The following ZSWIM6 variants were observed in gnomAD, a reference collection of about 807,000 sequenced individuals.
ZSWIM6 encodes the protein zinc finger SWIM-type containing 6.
A neutral mutation model predicts 113.2 loss-of-function variants in ZSWIM6; 9 were observed. The ratio of observed to expected loss-of-function variants is 0.08; its 90% CI spans 0.05 to 0.14. ZSWIM6 has a LOEUF of 0.14. Ranked by LOEUF, ZSWIM6 falls within the 10% of genes least tolerant of loss-of-function variation. ZSWIM6 has a pLI of 1.00. For missense variants in ZSWIM6, 1,162 were observed against 1,552.2 expected (o/e 0.75, Z 4.22); for synonymous variants, 611 against 606.5 (o/e 1.01, Z -0.11).
In ZSWIM6 at chr5:61,350,619, A is replaced by G. The variant is rs140003789; in HGVS notation, c.676+17671A>G. On this transcript the variant is annotated intron_variant, in intron 1 of 13. Coordinates refer to ENST00000252744, the MANE Select transcript of ZSWIM6 (RefSeq NM_020928.2). The stretch of plus-strand genomic sequence containing the variant: ...TATTTGAAGTTGTATTGTTTTAGCA[A>G]TCTTAGATTGTTGTTCACAGGTACT... 3.0e-4 allele frequency among the ~76,000 whole-genome samples: 45 copies of G among 152,256 alleles called. No homozygotes were observed. The East Asian group carries it at 8.1e-3, about 27-fold the overall frequency.
intron 1 of ZSWIM6, among the ~76,000 whole-genome samples, chr5:61,352,540 A>G (rs1183262752): frequency 6.6e-6 from 1 of 152,216 alleles, no homozygotes; most frequent in Admixed American, 6.5e-5. Context: ...CTTCACACCC[A>G]TCACACAAAG....
intron 9 of ZSWIM6, among the ~76,000 whole-genome samples, chr5:61,534,091 A>G (rs1255178474): frequency 6.6e-6 from 1 of 152,188 alleles, no homozygotes; most frequent in African/African-American, 2.4e-5. Flanking sequence ...GGGGCTTCCA[A>G]ATGTGAATTT....
chr5:61,443,054 T>G (rs1253079800), intron 1 of ZSWIM6, among the ~76,000 whole-genome samples: 1 of 152,196 alleles, frequency 6.6e-6, no homozygotes, highest in Non-Finnish European at 1.5e-5. Flanking sequence ...TTTCACTTAG[T>G]GTCCTGTAAG....
rs182319905 is a variant in ZSWIM6, at chr5:61,514,831, G to A, written c.1334-6432G>A. 2.3e-4 allele frequency among the ~76,000 whole-genome samples: 35 copies of A among 152,142 alleles called. 1 individual carries two copies. The East Asian group carries it at 6.6e-3, about 29-fold the overall frequency. ...ATGAGGGATATTGATCTGCAGTTGA[G>A]CCTACTTGTAATGTTTTCATCTGGT... On this transcript the variant is annotated intron_variant, in intron 4 of 13. Coordinates refer to ENST00000252744, the MANE Select transcript of ZSWIM6 (RefSeq NM_020928.2).
chr5:61,375,078 C>A, intron 1 of ZSWIM6: 2 of 1,588,676 alleles, frequency 1.3e-6, no homozygotes, highest in Non-Finnish European at 1.7e-6. Context: ...GCCCGGTTTC[C>A]CTCGGTGTGC....
chr5:61,393,062 C>G (rs1341974465), intron 1 of ZSWIM6, among the ~76,000 whole-genome samples: 2 of 151,112 alleles, frequency 1.3e-5, no homozygotes, highest in Non-Finnish European at 2.9e-5. Flanking sequence ...TTTTTTGAGA[C>G]AGAGTCTCGC....
rs905739551 is a variant in ZSWIM6 at position 61,541,766 on chromosome 5, T to C, written c.2704-118T>C. ...TAGAGCTTTGCTCTAAATTATGCTT[T>C]CATCTTCCTGGTGGTAGACAGTAGG... On this transcript the variant is annotated intron_variant, in intron 12 of 13. Coordinates refer to ENST00000252744, the MANE Select transcript of ZSWIM6 (RefSeq NM_020928.2). The C allele has an allele frequency of 1.1e-5, 9 of 807,316 alleles. No individual in the cohort carries two copies. The African/African-American group carries it at 1.6e-4, about 14-fold the overall frequency. The allele number at this position is 807,316 out of a possible 1,614,324, so 50.0% of individuals were successfully genotyped here.
intron 4 of ZSWIM6, 24 bp downstream of exon 4, chr5:61,494,434 A>T (rs1223862673): frequency 6.5e-7 from 1 of 1,550,204 alleles, no homozygotes; most frequent in Admixed American, 2.0e-5. Context: ...CTCACAAATT[A>T]CCATTGATTT....
intron 1 of ZSWIM6, among the ~76,000 whole-genome samples, chr5:61,334,640 G>T (rs897955541): frequency 6.6e-6 from 1 of 152,046 alleles, no homozygotes; most frequent in African/African-American, 2.4e-5. Flanking sequence ...ATTTCCAAAG[G>T]CAGCCCCCAG....
chr5:61,363,592 G>T lies in ZSWIM6; in HGVS notation c.676+30644G>T, dbSNP rs530932438. Among the ~76,000 whole-genome samples, 7 of 152,140 alleles carry T rather than the reference G, an allele frequency of 4.6e-5. No individual in the cohort carries two copies. The South Asian group carries it at 1.2e-3, about 27-fold the overall frequency. ...ATCATATTACGGAAACTTATTATTG[G>T]CACAGTGCCTTAATGATTAGTTGGC... is the stretch of plus-strand genomic sequence containing the variant. On this transcript the variant is annotated intron_variant, in intron 1 of 13. Coordinates refer to ENST00000252744, the MANE Select transcript of ZSWIM6 (RefSeq NM_020928.2).
intron 1 of ZSWIM6, among the ~76,000 whole-genome samples, chr5:61,334,297 G>A (rs915757231): frequency 6.6e-6 from 1 of 152,128 alleles, no homozygotes; most frequent in African/African-American, 2.4e-5. Context: ...AGACTGAAAA[G>A]AACAATGCTG....
At chr5:61,416,824 T>C (rs1307298358) in intron 1 of ZSWIM6, among the ~76,000 whole-genome samples, 1 of 152,156 alleles carries the variant, frequency 6.6e-6, no homozygotes, top group Non-Finnish European at 1.5e-5. Flanking sequence ...ATGAGAAGTA[T>C]GAACAGAAAG....
At chr5:61,451,769 A>G (rs1031708289) in intron 1 of ZSWIM6, among the ~76,000 whole-genome samples, 1 of 152,190 alleles carries the variant, frequency 6.6e-6, no homozygotes, top group Non-Finnish European at 1.5e-5. Context: ...GCTATTTTCT[A>G]GATTCATTCA....
chr5:61,497,937 G>A lies in ZSWIM6; in HGVS notation c.1333+3527G>A, dbSNP rs187495712. Among the ~76,000 whole-genome samples the A allele has an allele frequency of 9.1e-4, 139 of 152,260 alleles. 1 individual carries two copies. Among genetic ancestry groups the A allele is most frequent in the African/African-American group, 3.2e-3 (131 of 41,570 alleles). On this transcript the variant is annotated intron_variant, in intron 4 of 13. Coordinates refer to ENST00000252744, the MANE Select transcript of ZSWIM6 (RefSeq NM_020928.2). ...TTCCAAGAACAACCCAGTGCTGATT[G>A]GGGGTGAGCACACCTATTGTTAGCT... is the stretch of plus-strand genomic sequence containing the variant.
intron 2 of ZSWIM6, among the ~76,000 whole-genome samples, chr5:61,488,223 GTGT>G (rs1489153419): frequency 6.6e-6 from 1 of 151,914 alleles, no homozygotes. Context: ...TTTGATCATG[GTGT>G]ATAATCTTTC....
chr5:61,485,612 A>G (rs1747997647), intron 2 of ZSWIM6, among the ~76,000 whole-genome samples: 1 of 152,118 alleles, frequency 6.6e-6, no homozygotes, highest in Non-Finnish European at 1.5e-5. Context: ...CGTGCTTCAC[A>G]TATCCACTTA....
chr5:61,358,438 A>G lies in ZSWIM6; in HGVS notation c.676+25490A>G, dbSNP rs1050135969. Among the ~76,000 whole-genome samples, 6 of 152,158 alleles carry G rather than the reference A, an allele frequency of 3.9e-5. No individual in the cohort carries two copies. In the East Asian group the frequency reaches 5.8e-4, roughly 15 times the overall value. ...ATGGAAGCCTAAGAAGCTAACCACA[A>G]TTTTCCCACTTGATAGGGAACTGTG... On this transcript the variant is annotated intron_variant, in intron 1 of 13. Coordinates refer to ENST00000252744, the MANE Select transcript of ZSWIM6 (RefSeq NM_020928.2).
chr5:61,366,624 G>A (rs953979106), intron 1 of ZSWIM6, among the ~76,000 whole-genome samples: 3 of 152,150 alleles, frequency 2.0e-5, no homozygotes, highest in Admixed American at 6.5e-5. Flanking sequence ...TAGCTTTCTA[G>A]TTGATAATGT....
chr5:61,408,313 A>AT (rs1456894339), intron 1 of ZSWIM6, among the ~76,000 whole-genome samples: 1 of 152,188 alleles, frequency 6.6e-6, no homozygotes, highest in African/African-American at 2.4e-5. Flanking sequence ...TTGGAGGGAG[A>AT]TTTTGTCACT....
Sources: allele counts gnomAD v4.1 joint callset (sites outside exome capture counted in the v4.1 genomes callset), GRCh38; gene constraint gnomAD v4.1.1; transcripts MANE v1.5; gene names NCBI Gene and HGNC (gene_info 2026-07-23, HGNC 2026-07-21).